The following CTNND2 variants were observed in gnomAD, a reference collection of about 807,000 sequenced individuals.
The protein encoded by CTNND2 is catenin delta 2.
In CTNND2, 22 loss-of-function variants were observed where a neutral mutation model predicts 144.4. The observed-to-expected ratio is 0.15, with a 90% CI of 0.11 to 0.22. The LOEUF is 0.22. CTNND2 is among the 10% of genes least tolerant of loss of function. CTNND2 has a pLI of 1.00. For synonymous variants in CTNND2, 751 were observed against 695.6 expected, an observed-to-expected ratio of 1.08 and a Z score of -1.25; for missense variants, 1,353 against 1,618.8, an observed-to-expected ratio of 0.84 and a Z score of 2.82.
chr5:11,262,412 T>C (rs1387316789), intron 9 of CTNND2, among the ~76,000 whole-genome samples: 2 of 152,192 alleles, frequency 1.3e-5, no homozygotes, highest in South Asian at 2.1e-4. Flanking sequence ...TACTATTTTC[T>C]AGACTGGATG....
intron 10 of CTNND2, among the ~76,000 whole-genome samples, chr5:11,234,871 T>G (rs1017230581): frequency 8.5e-5 from 13 of 152,202 alleles, no homozygotes; most frequent in Admixed American, 5.2e-4. Flanking sequence ...AAGAGCTTCC[T>G]TTTTTGGTAT....
intron 9 of CTNND2, among the ~76,000 whole-genome samples, chr5:11,253,392 T>C (rs964629491): frequency 2.0e-5 from 3 of 152,248 alleles, no homozygotes; most frequent in African/African-American, 7.2e-5. Context: ...GGGATGGATC[T>C]GGTGGAAGAT....
At chr5:11,379,201 G>T (rs1299690070) in intron 7 of CTNND2, among the ~76,000 whole-genome samples, 3 of 152,220 alleles carry the variant, frequency 2.0e-5, no homozygotes, top group Admixed American at 2.0e-4. Context: ...ACATTCAATA[G>T]GATGTCGACA....
chr5:11,694,161 C>T (rs538327927), intron 2 of CTNND2, among the ~76,000 whole-genome samples: 4 of 152,144 alleles, frequency 2.6e-5, no homozygotes, highest in Admixed American at 2.0e-4. Context: ...ATGGGCCAGG[C>T]GCGGTGGCTC....
intron 1 of CTNND2, among the ~76,000 whole-genome samples, chr5:11,807,398 C>CA: frequency 6.6e-6 from 1 of 152,284 alleles, no homozygotes; most frequent in Non-Finnish European, 1.5e-5. Context: ...TTGGTACGTA[C>CA]ATCATAACTC....
intron 3 of CTNND2, among the ~76,000 whole-genome samples, chr5:11,415,343 C>T (rs1761856638): frequency 6.6e-6 from 1 of 152,114 alleles, no homozygotes; most frequent in Non-Finnish European, 1.5e-5. Flanking sequence ...CTGGCTCATG[C>T]TTATAATCCC....
chr5:11,722,857 A>G (rs1052284976), intron 2 of CTNND2, among the ~76,000 whole-genome samples: 6 of 152,192 alleles, frequency 3.9e-5, no homozygotes, highest in Admixed American at 2.6e-4. Context: ...AACCATATCA[A>G]ACACATATGA....
chr5:11,632,098 A>G (rs1188971290), intron 2 of CTNND2, among the ~76,000 whole-genome samples: 2 of 152,222 alleles, frequency 1.3e-5, no homozygotes, highest in African/African-American at 4.8e-5. Context: ...GCTCCTTGAT[A>G]GCAATAAATG....
At chr5:11,362,046 T>A (rs1756504730) in intron 8 of CTNND2, among the ~76,000 whole-genome samples, 1 of 152,132 alleles carries the variant, frequency 6.6e-6, no homozygotes, top group South Asian at 2.1e-4. Flanking sequence ...CATGAACATT[T>A]TCAGGCTGGT....
intron 1 of CTNND2, among the ~76,000 whole-genome samples, chr5:11,781,926 A>C (rs1199110453): frequency 6.6e-6 from 1 of 152,230 alleles, no homozygotes; most frequent in Non-Finnish European, 1.5e-5. Context: ...GGGTTTCTAA[A>C]AAATATATTG....
chr5:11,740,739 C>T (rs946244697), intron 1 of CTNND2, among the ~76,000 whole-genome samples: 1 of 152,192 alleles, frequency 6.6e-6, no homozygotes, highest in Admixed American at 6.5e-5. Context: ...AAACTATCAT[C>T]AGAGTGAACA....
chr5:11,560,745 T>TAGGC (rs1561557713), intron 3 of CTNND2, among the ~76,000 whole-genome samples: 2 of 152,164 alleles, frequency 1.3e-5, no homozygotes, highest in African/African-American at 4.8e-5. Flanking sequence ...ACTAGATCCA[T>TAGGC]AGGCAGAGGT....
chr5:11,466,537 T>G (rs1766697059), intron 3 of CTNND2, among the ~76,000 whole-genome samples: 1 of 152,236 alleles, frequency 6.6e-6, no homozygotes, highest in African/African-American at 2.4e-5. Flanking sequence ...GAATTGTTAA[T>G]GAAAAACTAG....
intron 8 of CTNND2, among the ~76,000 whole-genome samples, chr5:11,353,382 C>T (rs1265958594): frequency 6.6e-6 from 1 of 152,180 alleles, no homozygotes. Flanking sequence ...GAGGGCAGGC[C>T]TGGTTAATAA....
chr5:11,564,000 A>G (rs1378915609), intron 3 of CTNND2, among the ~76,000 whole-genome samples: 4 of 152,290 alleles, frequency 2.6e-5, no homozygotes, highest in Admixed American at 2.6e-4. Flanking sequence ...AAATTCACTA[A>G]TGAACTCTGA....
At chr5:11,316,466 T>TC (rs1460916725) in intron 9 of CTNND2, among the ~76,000 whole-genome samples, 2 of 38,962 alleles carry the variant, frequency 5.1e-5, no homozygotes, top group Non-Finnish European at 1.2e-4. Context: ...TATCCACTAT[T>TC]TTTTATTATT....
chr5:11,626,390 G>A (rs540208739), intron 2 of CTNND2, among the ~76,000 whole-genome samples: 2 of 152,136 alleles, frequency 1.3e-5, no homozygotes, highest in Non-Finnish European at 2.9e-5. Context: ...TAGTAATGAC[G>A]TAAAACCTAA....
chr5:11,693,180 C>T (rs1013627446), intron 2 of CTNND2, among the ~76,000 whole-genome samples: 6 of 152,098 alleles, frequency 3.9e-5, no homozygotes, highest in African/African-American at 7.2e-5. Context: ...GATGAGGACG[C>T]GGGAAAAAGA....
At chr5:11,403,593 T>A (rs1213294729) in intron 5 of CTNND2, among the ~76,000 whole-genome samples, 3 of 152,220 alleles carry the variant, frequency 2.0e-5, no homozygotes, top group African/African-American at 4.8e-5. Flanking sequence ...AATTCCCAAC[T>A]ATACCTTACA....
Sources: gnomAD v4.1 joint callset for allele counts (sites outside exome capture counted in the v4.1 genomes callset) on GRCh38, gnomAD v4.1.1 for gene constraint, MANE v1.5 for transcripts, NCBI Gene and HGNC (gene_info 2026-07-23, HGNC 2026-07-21) for gene names.